The following CRELD2 variants were observed in gnomAD, a reference collection of about 807,000 sequenced individuals.
CRELD2 encodes the protein CRELD disulfide isomerase 2, also known as protein disulfide isomerase CRELD2.
CRELD2 carries 33 observed loss-of-function variants against 48.1 expected under a neutral mutation model. That is an observed-to-expected ratio of 0.69 (90% CI 0.52 to 0.92). CRELD2 has a LOEUF of 0.92. Ranked by LOEUF, CRELD2 falls within the 40% of genes least tolerant of loss-of-function variation. CRELD2 has a pLI of 0.00. For missense variants in CRELD2, 477 were observed against 482.4 expected, an observed-to-expected ratio of 0.99 and a Z score of 0.10; for synonymous variants, 220 against 203.9, an observed-to-expected ratio of 1.08 and a Z score of -0.67.
chr22:49,922,395 A>C, intron 5 of CRELD2: 1 of 1,609,740 alleles, frequency 6.2e-7, no homozygotes, highest in Non-Finnish European at 8.5e-7. Context: ...GAACACGCAC[A>C]CCCAGCCAGG....
chr22:49,922,046 C>G (rs2060693766), intron 5 of CRELD2: 1 of 604,084 alleles, frequency 1.7e-6, no homozygotes, highest in African/African-American at 1.9e-5. Flanking sequence ...ATGCAGTGCA[C>G]AGGTCCTGGA....
chr22:49,919,367 C>A, intron 2 of CRELD2, 55 bp downstream of exon 2: 1 of 1,506,452 alleles, frequency 6.6e-7, no homozygotes, highest in South Asian at 1.1e-5. Context: ...CCTGGGAAGT[C>A]GTGTCCTGCC....
In CRELD2 at chr22:49,927,439, C is replaced by T. The variant is rs549427899; in HGVS notation, c.*132C>T. On this transcript the variant is annotated 3_prime_UTR_variant, in exon 10 of 10. Coordinates refer to ENST00000328268, the MANE Select transcript of CRELD2 (RefSeq NM_024324.5). ...TCTCTAACGGTTGATTCTCATTTGTCCCTTAAACAGCTGCATTTCTTGGTT... is the reference window on the plus strand; with the variant it reads ...TCTCTAACGGTTGATTCTCATTTGTTCCTTAAACAGCTGCATTTCTTGGTT... The T allele has an allele frequency of 2.7e-4, 194 of 719,942 alleles. No individual in the cohort carries two copies. Among genetic ancestry groups the T allele is most frequent in the Non-Finnish European group, 3.3e-4 (132 of 396,450 alleles). The allele number at this position is 719,942 out of a possible 1,614,324, so 44.6% of individuals were successfully genotyped here. A position where few individuals can be genotyped will look rare whatever the true frequency, so the allele number is the denominator to read the frequency against.
rs374883377 is a variant in CRELD2, at chr22:49,925,617, G to C, written c.1009+60G>C. ...CTCCCCTGGGCCGCAGGGCTTGCAC[G>C]TAGACTGGCTGCTTGGTCTGAAATC... On this transcript the variant is annotated intron_variant, in intron 9 of 9. Transcript: ENST00000328268. 1.1e-4 allele frequency: 170 copies of C among 1,601,352 alleles called. 1 individual carries two copies. In the African/African-American group the frequency reaches 2.0e-3, roughly 19 times the overall value.
Position 49,925,573 on chromosome 22 carries a change from G to GC in CRELD2, c.1009+19dup, listed in dbSNP as rs781311543. 6 of 1,612,628 alleles carry GC rather than the reference G, an allele frequency of 3.7e-6. No individual in the cohort carries two copies. The highest frequency in any genetic ancestry group is 1.7e-5 in the Admixed American group (1 of 59,994). ...GCAGAGGCTGGTGAGTGGCACGGCTGCCCTCCACACAGGCTGCCCTCCCCT... is the reference window on the plus strand; with the variant it reads ...GCAGAGGCTGGTGAGTGGCACGGCTGCCCCTCCACACAGGCTGCCCTCCCCT... On this transcript the variant is annotated intron_variant, in intron 9 of 9. Transcript: ENST00000328268.
In CRELD2 at chr22:49,919,808, G is replaced by A; in HGVS notation, c.291G>A (p.Gln97=). The A allele has an allele frequency of 6.2e-7, 1 of 1,612,716 alleles. No homozygotes were observed. The highest frequency in any genetic ancestry group is 8.5e-7 in the Non-Finnish European group (1 of 1,179,428). Residue 97 remains glutamine (Q), a synonymous_variant, in exon 3 of 10, where the codon CAG becomes CAA. Transcript: ENST00000328268. ...AATGCAATCAGATGCTAGAGGCGCA[G>A]GAGGAGCACCTGGAGGCCTGGTGGC... The part of the protein sequence containing the change: ...DFECNQMLEA[Q]EEHLEAWWLQ...
At position 49,923,233 on chromosome 22, in the gene CRELD2, G is replaced by C. The variant is rs2060719768; in HGVS notation, c.689-1G>C. The stretch of plus-strand genomic sequence containing the variant: ...CTCACAGCTGTGCCGCTCTGTTCCA[G>C]ATGTGGACGAGTGTGCGGCCGAGCC... On this transcript the variant is annotated splice_acceptor_variant, in intron 6 of 9. Coordinates refer to ENST00000328268, the MANE Select transcript of CRELD2 (RefSeq NM_024324.5). LOFTEE classifies it high-confidence loss of function. 4 of 1,574,426 alleles carry C rather than the reference G, an allele frequency of 2.5e-6. No individual in the cohort carries two copies. The highest frequency in any genetic ancestry group is 3.4e-6 in the Non-Finnish European group (4 of 1,161,370).
intron 9 of CRELD2, 161 bp downstream of exon 9, chr22:49,925,718 G>A (rs1434924630): frequency 1.5e-5 from 22 of 1,442,668 alleles, no homozygotes; most frequent in Admixed American, 1.1e-4. Context: ...GTGTGGGCAC[G>A]CTTGCGCGAG....
At chr22:49,925,847 C>A in intron 9 of CRELD2, 1 of 891,412 alleles carries the variant, frequency 1.1e-6, no homozygotes, top group Non-Finnish European at 1.5e-6. Flanking sequence ...GGAGCAGACG[C>A]AGGAGAAGAG....
At chr22:49,923,634 T>C (rs1341368789) in intron 7 of CRELD2, 1 of 489,570 alleles carries the variant, frequency 2.0e-6, no homozygotes, top group East Asian at 3.8e-5. Context: ...TGTTTTCCAC[T>C]CAGCAGCTTG....
rs766555616 is a variant in CRELD2, at chr22:49,925,410, A to G, written c.869-7A>G. 1 of 1,568,098 alleles carries G rather than the reference A, an allele frequency of 6.4e-7. No homozygotes were observed. The highest frequency in any genetic ancestry group is 8.7e-7 in the Non-Finnish European group (1 of 1,146,022). ...GTAATTATTAAAACGGAGTCTTTTC[A>G]TTTTAGATGTGGACGAGTGCTCACT... On this transcript the variant is annotated splice_polypyrimidine_tract_variant and splice_region_variant and intron_variant, in intron 8 of 9. Transcript: ENST00000328268.
intron 7 of CRELD2, chr22:49,923,580 C>T (rs2060725596): frequency 1.7e-6 from 1 of 579,586 alleles, no homozygotes; most frequent in African/African-American, 1.9e-5. Flanking sequence ...CCCCCCAGCG[C>T]CCCCGCAACG....
rs777489583 is a variant in CRELD2 at position 49,922,664 on chromosome 22, C to T, written c.645C>T (p.Gly215=). 1.4e-5 allele frequency: 22 copies of T among 1,562,796 alleles called. No individual in the cohort carries two copies. Among genetic ancestry groups the T allele is most frequent in the Admixed American group, 1.9e-5 (1 of 53,416 alleles). The change falls in exon 6 of 10, where the codon GGC becomes GGT. Residue 215 remains glycine (G), a synonymous_variant. Coordinates refer to ENST00000328268, the MANE Select transcript of CRELD2 (RefSeq NM_024324.5). ...TCSGLTNRDC[G]ECEVGWVLDE... ...CGGGCCTGACCAACAGAGACTGCGG[C>T]GAGTGTGAAGTGGGCTGGGTGCTGG...
At position 49,918,689 on chromosome 22, in the gene CRELD2, C is replaced by A. The variant is rs1381991951; in HGVS notation, c.-81C>A. On this transcript the variant is annotated 5_prime_UTR_variant, in exon 1 of 10. Transcript: ENST00000328268. ...GGGGACAGGCCGGCGCGGCTGGGAG[C>A]GGGTGGGCGGCCGGGAGGCCGGAGC... The A allele has an allele frequency of 4.2e-6, 2 of 476,750 alleles. No homozygotes were observed. Among genetic ancestry groups the A allele is most frequent in the Non-Finnish European group, 6.5e-6 (2 of 306,814 alleles). The allele number at this position is 476,750 out of a possible 1,614,324, so 29.5% of individuals were successfully genotyped here.
At chr22:49,924,028 G>A (rs9616211) in intron 7 of CRELD2, 62,319 of 253,308 alleles carry the variant, frequency 0.25, 9,476 homozygotes, top group African/African-American at 0.48. Context: ...GAGAGGCTCT[G>A]GTTATTCTTA....
chr22:49,918,783 G>A lies in CRELD2; in HGVS notation c.14G>A (p.Arg5His), dbSNP rs1311076714. Residue 5 changes from arginine to histidine, a missense_variant, in exon 1 of 10, where the codon CGC becomes CAC. Coordinates refer to ENST00000328268, the MANE Select transcript of CRELD2 (RefSeq NM_024324.5). MRLP[R>H]RAALGLLPLL... ...GCGCTACCCGCCATGCGCCTGCCGC[G>A]CCGGGCCGCGCTGGGGCTCCTGCCG... The A allele has an allele frequency of 5.5e-6, 7 of 1,273,832 alleles. No individual in the cohort carries two copies. Among genetic ancestry groups the A allele is most frequent in the East Asian group, 3.1e-5 (1 of 31,764 alleles). 78.9% of individuals were successfully genotyped at this position (1,273,832 alleles called of 1,614,324 possible).
intron 9 of CRELD2, among the ~76,000 whole-genome samples, chr22:49,927,042 G>A (rs1019106243): frequency 5.4e-5 from 8 of 149,162 alleles, no homozygotes; most frequent in African/African-American, 1.7e-4. Flanking sequence ...CCACACCCAC[G>A]GCAGCGTGGG....
At chr22:49,923,914 G>A (rs1349541232) in intron 7 of CRELD2, 1 of 242,400 alleles carries the variant, frequency 4.1e-6, no homozygotes, top group Non-Finnish European at 8.1e-6. Flanking sequence ...GCAGCAGGGA[G>A]GAGGCCGCCT....
chr22:49,919,394 AT>A, intron 2 of CRELD2, 82 bp downstream of exon 2: 4 of 1,312,354 alleles, frequency 3.0e-6, no homozygotes, highest in Non-Finnish European at 4.4e-6. Context: ...GCCTGTGTTA[AT>A]GACAGGGAGA....
Sources: allele counts gnomAD v4.1 joint callset (sites outside exome capture counted in the v4.1 genomes callset), GRCh38; gene constraint gnomAD v4.1.1; transcripts MANE v1.5; gene names NCBI Gene and HGNC (gene_info 2026-07-23, HGNC 2026-07-21).